CXADR: variants seen among roughly 807,000 people sequenced by gnomAD.
The protein encoded by CXADR is CXADR cell adhesion molecule, also known as coxsackievirus and adenovirus receptor.
Under a neutral mutation model 40.3 loss-of-function variants are expected in CXADR, and 20 were observed. The ratio of observed to expected loss-of-function variants is 0.50; its 90% CI spans 0.35 to 0.72. The LOEUF is 0.72. CXADR is among the 30% of genes least tolerant of loss of function. The probability of loss-of-function intolerance (pLI) is 0.01; values close to 1 mark genes in which losing one functional copy is unlikely to be tolerated. For missense variants in CXADR, 332 were observed against 449.1 expected (o/e 0.74, Z 2.36); for synonymous variants, 150 against 161.3 (o/e 0.93, Z 0.53).
chr21:17,629,358 C>A, the CXADR span, among the ~76,000 whole-genome samples: 8 of 127,002 alleles, frequency 6.3e-5, no homozygotes, highest in Non-Finnish European at 1.3e-4. Flanking sequence ...CCAGCCTGGG[C>A]GACAGAGAGA....
At chr21:17,597,884 C>CACA, downstream of CXADR, among the ~76,000 whole-genome samples, 1 of 152,110 alleles carries the variant, frequency 6.6e-6, no homozygotes, top group African/African-American at 2.4e-5. Context: ...TCAACCTTAC[C>CACA]ACAAACCTGG....
At chr21:17,598,562 A>C, downstream of CXADR, 1 of 1,481,072 alleles carries the variant, frequency 6.8e-7, no homozygotes, top group South Asian at 1.2e-5. Flanking sequence ...GACTACCTGA[A>C]AGGTCCTGGC....
chr21:17,527,711 C>G (rs2060614276), intron 1 of CXADR, among the ~76,000 whole-genome samples: 1 of 152,200 alleles, frequency 6.6e-6, no homozygotes, highest in Non-Finnish European at 1.5e-5. Context: ...ACCATTTTTC[C>G]TTCCACCTTG....
intron 7 of CXADR, among the ~76,000 whole-genome samples, chr21:17,589,483 A>G (rs1416480605): frequency 2.6e-5 from 4 of 152,194 alleles, no homozygotes; most frequent in African/African-American, 9.6e-5. Context: ...TAGAAAAATA[A>G]TATTCTCTGT....
the CXADR span, among the ~76,000 whole-genome samples, chr21:17,625,866 T>C: frequency 5.1e-4 from 78 of 152,372 alleles, no homozygotes; most frequent in African/African-American, 1.8e-3. Flanking sequence ...ATGTTAGCTC[T>C]GTTCTTTTTT....
chr21:17,585,599 C>T (rs1311869027), intron 7 of CXADR, among the ~76,000 whole-genome samples: 1 of 152,142 alleles, frequency 6.6e-6, no homozygotes, highest in African/African-American at 2.4e-5. Flanking sequence ...CTCACTGCAA[C>T]CTCCGCCTCC....
intron 1 of CXADR, chr21:17,518,467 T>A: frequency 1.4e-6 from 1 of 737,446 alleles, no homozygotes; most frequent in Non-Finnish European, 2.4e-6. Flanking sequence ...CTGTAAAACT[T>A]TGGAACCACA....
intron 1 of CXADR, among the ~76,000 whole-genome samples, chr21:17,514,498 C>T (rs2060433452): frequency 6.8e-6 from 1 of 147,826 alleles, no homozygotes; most frequent in African/African-American, 2.5e-5. Flanking sequence ...ACCTTTCTTT[C>T]TTTTTTTTCT....
At chr21:17,597,015 T>G (rs1178092634), downstream of CXADR, among the ~76,000 whole-genome samples, 5 of 152,034 alleles carry the variant, frequency 3.3e-5, no homozygotes, top group African/African-American at 1.2e-4. Flanking sequence ...AAGAAGAAAA[T>G]CAAAGTGGGC....
At chr21:17,531,303 A>T (rs2060672173) in intron 1 of CXADR, among the ~76,000 whole-genome samples, 1 of 151,886 alleles carries the variant, frequency 6.6e-6, no homozygotes, top group Non-Finnish European at 1.5e-5. Flanking sequence ...TGTCTCAAAA[A>T]AAAAAAAAGA....
chr21:17,539,317 C>G (rs2060798295), intron 1 of CXADR, among the ~76,000 whole-genome samples: 1 of 152,168 alleles, frequency 6.6e-6, no homozygotes, highest in Non-Finnish European at 1.5e-5. Flanking sequence ...TATTAGAAGT[C>G]TTCCAGCCCA....
chr21:17,533,229 A>G (rs2060700827), intron 1 of CXADR, among the ~76,000 whole-genome samples: 1 of 152,222 alleles, frequency 6.6e-6, no homozygotes, highest in Non-Finnish European at 1.5e-5. Flanking sequence ...CAACAGTCAG[A>G]TAACCTAGTC....
At chr21:17,581,901 G>A (rs1284550833) in intron 7 of CXADR, among the ~76,000 whole-genome samples, 1 of 64 alleles carries the variant, frequency 0.016, no homozygotes, top group African/African-American at 0.083. Flanking sequence ...TGTACTAGTA[G>A]TCTGGCTAAT....
rs190048087 is a variant in CXADR at position 17,569,608 on chromosome 21, G to A, written c.*3916G>A. On this transcript the variant is annotated 3_prime_UTR_variant, in exon 7 of 7. Coordinates refer to ENST00000284878, the MANE Select transcript of CXADR (RefSeq NM_001338.5). ...AATAATAAACACATTTGTGAATTGT[G>A]GTTCAGTTTATTTATCTTTAGGGAA... is the stretch of plus-strand genomic sequence containing the variant. 181 of 984,712 alleles carry A rather than the reference G, an allele frequency of 1.8e-4. No homozygotes were observed. The African/African-American group carries it at 2.8e-3, about 15-fold the overall frequency. The allele number at this position is 984,712 out of a possible 1,614,324, so 61.0% of individuals were successfully genotyped here. A position where few individuals can be genotyped will look rare whatever the true frequency, so the allele number is the denominator to read the frequency against.
At chr21:17,563,928 A>AAG (rs1292507403) in intron 6 of CXADR, among the ~76,000 whole-genome samples, 2 of 134,168 alleles carry the variant, frequency 1.5e-5, no homozygotes, top group Admixed American at 1.5e-4. Context: ...GCAACAGAGC[A>AAG]AGACTCTGTC....
At chr21:17,547,921 G>C (rs2060919540) in intron 2 of CXADR, among the ~76,000 whole-genome samples, 1 of 151,902 alleles carries the variant, frequency 6.6e-6, no homozygotes, top group Non-Finnish European at 1.5e-5. Flanking sequence ...TAGAAAACTT[G>C]GAAAGCCAAA....
intron 1 of CXADR, among the ~76,000 whole-genome samples, chr21:17,530,090 A>T (rs921235769): frequency 2.7e-5 from 4 of 147,186 alleles, no homozygotes; most frequent in African/African-American, 1.0e-4. Context: ...CTGGGACTAC[A>T]GGCGCATGCC....
chr21:17,602,440 T>C, the CXADR span, among the ~76,000 whole-genome samples: 1 of 152,224 alleles, frequency 6.6e-6, no homozygotes, highest in East Asian at 1.9e-4. Flanking sequence ...ATCAATTGTA[T>C]ACTTGCTAGA....
intron 1 of CXADR, among the ~76,000 whole-genome samples, chr21:17,530,133 GTA>G (rs2060653447): frequency 2.5e-5 from 1 of 39,658 alleles, no homozygotes; most frequent in African/African-American, 8.7e-5. Context: ...TTTTTTTTTT[GTA>G]TTTTTTAGTA....
Sources: gnomAD v4.1 joint callset for allele counts (sites outside exome capture counted in the v4.1 genomes callset) on GRCh38, gnomAD v4.1.1 for gene constraint, MANE v1.5 for transcripts, NCBI Gene and HGNC (gene_info 2026-07-23, HGNC 2026-07-21) for gene names.